HPSE2: variants seen among roughly 807,000 people sequenced by gnomAD.
HPSE2 encodes the protein heparanase 2 (inactive).
HPSE2 carries 38 observed loss-of-function variants against 60.5 expected under a neutral mutation model. The ratio of observed to expected loss-of-function variants is 0.63; its 90% CI spans 0.48 to 0.82. The LOEUF (loss-of-function observed/expected upper bound fraction) is 0.82, where lower values mean the gene tolerates loss of function less well. Among genes scored for constraint, HPSE2 ranks in the 40% least tolerant of loss-of-function variants. HPSE2 has a pLI of 0.00. For missense variants in HPSE2, 713 were observed against 740.4 expected (o/e 0.96, Z 0.43); for synonymous variants, 295 against 293.2 (o/e 1.01, Z -0.06).
chr10:98,843,042 T>G lies in HPSE2; in HGVS notation c.611-98986A>C, dbSNP rs1186588960. 2.0e-5 allele frequency among the ~76,000 whole-genome samples: 3 copies of G among 152,196 alleles called. No individual in the cohort carries two copies. The East Asian group carries it at 5.8e-4, about 29-fold the overall frequency. On this transcript the variant is annotated intron_variant, in intron 3 of 11. Coordinates refer to ENST00000370552, the MANE Select transcript of HPSE2 (RefSeq NM_021828.5). ...CTTGATAGCTCACTTCTTATTTTTT[T>G]AATTTAACTTCTAAGTTCAGGGGTA...
intron 9 of HPSE2, among the ~76,000 whole-genome samples, chr10:98,546,184 C>G (rs1320374603): frequency 7.2e-6 from 1 of 138,186 alleles, no homozygotes; most frequent in Non-Finnish European, 1.6e-5. Context: ...ACATTCCATG[C>G]TCATGGGTAG....
chr10:98,512,846 C>A (rs1028634400), intron 9 of HPSE2, among the ~76,000 whole-genome samples: 4 of 150,168 alleles, frequency 2.7e-5, no homozygotes, highest in African/African-American at 9.8e-5. Context: ...CACACACAGG[C>A]ACACTTTGTT....
intron 3 of HPSE2, among the ~76,000 whole-genome samples, chr10:98,912,696 C>T (rs1188529378): frequency 1.3e-5 from 2 of 152,132 alleles, no homozygotes; most frequent in Non-Finnish European, 2.9e-5. Context: ...ACAAACATCA[C>T]ATGTCCTCAC....
intron 9 of HPSE2, among the ~76,000 whole-genome samples, chr10:98,590,246 T>A (rs1469407106): frequency 6.6e-6 from 1 of 152,174 alleles, no homozygotes; most frequent in African/African-American, 2.4e-5. Context: ...ATTGAGACCA[T>A]CCTGGCTAAC....
At chr10:98,887,797 G>A (rs974275021) in intron 3 of HPSE2, among the ~76,000 whole-genome samples, 11 of 151,898 alleles carry the variant, frequency 7.2e-5, no homozygotes, top group African/African-American at 2.7e-4. Context: ...TGGAAAACAG[G>A]AAATGTAAGC....
chr10:98,950,338 C>T (rs572546228), intron 3 of HPSE2, among the ~76,000 whole-genome samples: 1 of 152,214 alleles, frequency 6.6e-6, no homozygotes, highest in South Asian at 2.1e-4. Context: ...GGCATAAATA[C>T]CCAGGAGTAG....
the HPSE2 span, among the ~76,000 whole-genome samples, chr10:99,291,357 G>T: frequency 6.6e-6 from 1 of 152,086 alleles, no homozygotes; most frequent in Non-Finnish European, 1.5e-5. Flanking sequence ...AGGCCAAGGC[G>T]GGCAGATCAC....
intron 9 of HPSE2, among the ~76,000 whole-genome samples, chr10:98,588,086 T>C (rs964542079): frequency 6.6e-6 from 1 of 152,228 alleles, no homozygotes; most frequent in East Asian, 1.9e-4. Context: ...GCTTTGAGTT[T>C]CAAATTAGCC....
intron 9 of HPSE2, among the ~76,000 whole-genome samples, chr10:98,602,164 T>G (rs559564916): frequency 6.6e-6 from 1 of 152,198 alleles, no homozygotes; most frequent in South Asian, 2.1e-4. Context: ...AACTAATTAT[T>G]TGGAAGCAAA....
intron 11 of HPSE2, among the ~76,000 whole-genome samples, chr10:98,475,699 A>G (rs977471267): frequency 7.2e-6 from 1 of 138,546 alleles, no homozygotes; most frequent in Admixed American, 7.1e-5. Context: ...ATCTAGAGTC[A>G]TTGCTGGTTT....
chr10:98,999,931 G>T (rs1359108491), intron 3 of HPSE2, among the ~76,000 whole-genome samples: 1 of 152,118 alleles, frequency 6.6e-6, no homozygotes, highest in East Asian at 1.9e-4. Context: ...AAGTGAATTT[G>T]CAGTATGATA....
intron 4 of HPSE2, among the ~76,000 whole-genome samples, chr10:98,727,950 C>T (rs1420907111): frequency 6.6e-6 from 1 of 152,004 alleles, no homozygotes; most frequent in Non-Finnish European, 1.5e-5. Context: ...ATTCCATATG[C>T]AGCAAACTAT....
At chr10:98,991,230 T>C (rs11189925) in intron 3 of HPSE2, among the ~76,000 whole-genome samples, 17,309 of 152,100 alleles carry the variant, frequency 0.11, 1,051 homozygotes, top group South Asian at 0.21. Context: ...AAGCATAAAA[T>C]GTGAAGAGAA....
chr10:99,204,590 G>A (rs891475494), intron 2 of HPSE2, among the ~76,000 whole-genome samples: 1 of 152,166 alleles, frequency 6.6e-6, no homozygotes, highest in Admixed American at 6.5e-5. Flanking sequence ...TAAACCGCCT[G>A]ATAAATAATT....
intron 5 of HPSE2, among the ~76,000 whole-genome samples, chr10:98,717,678 G>A (rs907072933): frequency 5.9e-5 from 9 of 151,858 alleles, no homozygotes; most frequent in Admixed American, 1.3e-4. Context: ...AGTTCATGGA[G>A]CTCCAAAATA....
chr10:98,660,232 T>C (rs1947185922), intron 6 of HPSE2, among the ~76,000 whole-genome samples: 1 of 152,200 alleles, frequency 6.6e-6, no homozygotes, highest in South Asian at 2.1e-4. Context: ...ATCTTCTCAT[T>C]GCAAATTTAT....
At chr10:98,732,227 C>A (rs1419785695) in intron 4 of HPSE2, among the ~76,000 whole-genome samples, 1 of 152,070 alleles carries the variant, frequency 6.6e-6, no homozygotes, top group Admixed American at 6.6e-5. Context: ...TTTATAGATT[C>A]AATGCTATCC....
chr10:98,827,170 A>T (rs971704409), intron 3 of HPSE2, among the ~76,000 whole-genome samples: 12 of 151,790 alleles, frequency 7.9e-5, no homozygotes, highest in African/African-American at 2.2e-4. Context: ...ATTTTTTTTT[A>T]AAAAACCAAA....
chr10:99,079,191 G>T (rs904192984), intron 3 of HPSE2, among the ~76,000 whole-genome samples: 2 of 152,144 alleles, frequency 1.3e-5, no homozygotes, highest in Non-Finnish European at 2.9e-5. Context: ...CCCACAAGAG[G>T]CAAGAAAGAA....
Sources: allele counts gnomAD v4.1 joint callset (sites outside exome capture counted in the v4.1 genomes callset), GRCh38; gene constraint gnomAD v4.1.1; transcripts MANE v1.5; gene names NCBI Gene and HGNC (gene_info 2026-07-23, HGNC 2026-07-21).